TMEM144: variants seen among roughly 807,000 people sequenced by gnomAD.
TMEM144 encodes the protein transmembrane protein 144.
A neutral mutation model predicts 43.6 loss-of-function variants in TMEM144; 39 were observed. The ratio of observed to expected loss-of-function variants is 0.90; its 90% confidence interval spans 0.69 to 1.17. The LOEUF is 1.17. Among genes scored for constraint, TMEM144 ranks in the 50% most tolerant of loss-of-function variants. The probability of loss-of-function intolerance (pLI) is 0.00; values close to 1 mark genes in which losing one functional copy is unlikely to be tolerated. For missense variants in TMEM144, 417 were observed against 411.9 expected (o/e 1.01, Z -0.11); for synonymous variants, 154 against 133.6 (o/e 1.15, Z -1.06).
chr4:158,243,412 G>T (rs1466856758), intron 11 of TMEM144, among the ~76,000 whole-genome samples: 1 of 152,018 alleles, frequency 6.6e-6, no homozygotes, highest in African/African-American at 2.4e-5. Context: ...CAGTCCTTTT[G>T]TCAGTTGGAG....
In TMEM144 at chr4:158,237,662, C is replaced by A. The variant is rs763748461; in HGVS notation, c.682+19C>A. The A allele has an allele frequency of 4.0e-6, 6 of 1,491,756 alleles. No homozygotes were observed. In the African/African-American group the frequency reaches 8.4e-5, roughly 21 times the overall value. The allele number at this position is 1,491,756 out of a possible 1,614,324, so 92.4% of individuals were successfully genotyped here. On this transcript the variant is annotated intron_variant, in intron 9 of 12. Coordinates refer to ENST00000296529, the MANE Select transcript of TMEM144 (RefSeq NM_018342.5). ...CAATATGGTGAGAATAAAAAGTTAT[C>A]TTACTTTATTAATATCTACTTTTTA...
At position 158,232,092 on chromosome 4, in the gene TMEM144, G is replaced by A. The variant is rs958044128; in HGVS notation, c.414-809G>A. Among the ~76,000 whole-genome samples the A allele has an allele frequency of 2.6e-5, 4 of 152,104 alleles. No individual in the cohort carries two copies. In the South Asian group the frequency reaches 6.2e-4, roughly 24 times the overall value. On this transcript the variant is annotated intron_variant, in intron 6 of 12. Coordinates refer to ENST00000296529, the MANE Select transcript of TMEM144 (RefSeq NM_018342.5). ...AAAGAGATGTTAAAAGTATCCCAAC[G>A]TTGTTCATTTTCTCAAGTTAATTTA...
intron 10 of TMEM144, 86 bp downstream of exon 10, chr4:158,240,504 A>G (rs1735580161): frequency 1.4e-6 from 2 of 1,420,766 alleles, no homozygotes; most frequent in Admixed American, 4.3e-5. Flanking sequence ...TCTGGAAACA[A>G]AGCCATCCTC....
intron 6 of TMEM144, among the ~76,000 whole-genome samples, chr4:158,222,411 C>T (rs971168951): frequency 2.0e-5 from 3 of 152,214 alleles, no homozygotes; most frequent in Non-Finnish European, 1.5e-5. Context: ...TTACACCACA[C>T]TCCAGACATC....
At chr4:158,239,116 G>A (rs1322613764) in intron 9 of TMEM144, among the ~76,000 whole-genome samples, 1 of 152,182 alleles carries the variant, frequency 6.6e-6, no homozygotes, top group Non-Finnish European at 1.5e-5. Flanking sequence ...AGTGAGTATT[G>A]AAATGAGGAT....
At chr4:158,231,435 G>A (rs762699007) in intron 6 of TMEM144, among the ~76,000 whole-genome samples, 1 of 152,120 alleles carries the variant, frequency 6.6e-6, no homozygotes, top group South Asian at 2.1e-4. Context: ...GTAATTTGGG[G>A]TATCATTTTC....
intron 8 of TMEM144, among the ~76,000 whole-genome samples, chr4:158,235,984 C>A (rs569554744): frequency 1.1e-4 from 16 of 152,230 alleles, no homozygotes; most frequent in African/African-American, 3.9e-4. Context: ...GTGGGTCCTA[C>A]TCCCTCTATC....
intron 8 of TMEM144, among the ~76,000 whole-genome samples, chr4:158,236,916 C>G (rs1216475067): frequency 6.6e-6 from 1 of 152,080 alleles, no homozygotes; most frequent in East Asian, 1.9e-4. Context: ...GGGGAGTCCG[C>G]CTGACTCCAG....
chr4:158,252,346 T>G (rs1052874269), intron 12 of TMEM144, among the ~76,000 whole-genome samples: 1 of 152,226 alleles, frequency 6.6e-6, no homozygotes, highest in Admixed American at 6.5e-5. Flanking sequence ...ACCCTTCAGA[T>G]CCATCTCCAT....
intron 5 of TMEM144, 119 bp from the exon 6 acceptor site, chr4:158,219,191 C>A: frequency 2.1e-6 from 2 of 935,060 alleles, no homozygotes; most frequent in Non-Finnish European, 3.4e-6. Context: ...AAAGTCACAG[C>A]TAATAAGTGA....
chr4:158,245,019 G>A (rs1735817199), intron 12 of TMEM144, among the ~76,000 whole-genome samples: 1 of 151,916 alleles, frequency 6.6e-6, no homozygotes, highest in Non-Finnish European at 1.5e-5. Context: ...TTATCCTAAA[G>A]GTTAAAGTAT....
intron 6 of TMEM144, among the ~76,000 whole-genome samples, chr4:158,229,229 C>G (rs937069728): frequency 6.6e-6 from 1 of 152,166 alleles, no homozygotes; most frequent in Non-Finnish European, 1.5e-5. Context: ...AAAGGTCTGT[C>G]TCTCTTCTCT....
rs1005076212 is a variant in TMEM144 at position 158,254,777 on chromosome 4, G to A, written c.*1250G>A. 2.6e-5 allele frequency: 4 copies of A among 152,074 alleles called. No homozygotes were observed. Among genetic ancestry groups the A allele is most frequent in the African/African-American group, 9.7e-5 (4 of 41,406 alleles). 9.4% of individuals were successfully genotyped at this position (152,074 alleles called of 1,614,324 possible). ...TTTGCTATGCAGGAGAAACAAAACA[G>A]CTTTTTATTTGTGTGTATACTCTGA... On this transcript the variant is annotated 3_prime_UTR_variant, in exon 13 of 13. Coordinates refer to ENST00000296529, the MANE Select transcript of TMEM144 (RefSeq NM_018342.5).
At chr4:158,223,539 C>G (rs762485037) in intron 6 of TMEM144, among the ~76,000 whole-genome samples, 2 of 151,900 alleles carry the variant, frequency 1.3e-5, no homozygotes, top group Admixed American at 6.6e-5. Flanking sequence ...ACCTATTGAC[C>G]CATCCTTTAA....
chr4:158,249,141 G>A (rs1262873437), intron 12 of TMEM144, among the ~76,000 whole-genome samples: 1 of 152,116 alleles, frequency 6.6e-6, no homozygotes, highest in Non-Finnish European at 1.5e-5. Context: ...TCCTGATCTT[G>A]TGATCTGCCC....
Position 158,241,578 on chromosome 4 carries a change from C to T in TMEM144, c.872C>T (p.Ala291Val). ...CWFIANHSLSAVVSFPIITAG... is the reference protein window; with the variant it reads ...CWFIANHSLSVVVSFPIITAG... ...TTCATAGCAAATCACTCTCTGAGTG[C>T]TGTGGTCAGTTTTCCAATAATCACT... The change falls in exon 11 of 13, where the codon GCT (alanine) becomes GTT (valine). Residue 291 changes from alanine to valine, a missense_variant. By Grantham distance (64) the Ala-to-Val change is moderately conservative. Coordinates refer to ENST00000296529, the MANE Select transcript of TMEM144 (RefSeq NM_018342.5). The T allele has an allele frequency of 6.2e-7, 1 of 1,613,862 alleles. No homozygotes were observed. The highest frequency in any genetic ancestry group is 1.1e-5 in the South Asian group (1 of 91,064).
intron 12 of TMEM144, among the ~76,000 whole-genome samples, chr4:158,250,020 G>C (rs1375466270): frequency 2.0e-5 from 3 of 151,064 alleles, no homozygotes; most frequent in Non-Finnish European, 4.4e-5. Context: ...TTAGTGCTAA[G>C]GATCACACTG....
Position 158,240,384 on chromosome 4 carries a change from T to C in TMEM144, c.768T>C (p.Asn256=), listed in dbSNP as rs1244400983. The C allele has an allele frequency of 3.1e-6, 5 of 1,613,852 alleles. No individual in the cohort carries two copies. Among genetic ancestry groups the C allele is most frequent in the Non-Finnish European group, 4.2e-6 (5 of 1,179,910 alleles). Residue 256 remains asparagine (N), a synonymous_variant, in exon 10 of 13, where the codon AAT becomes AAC. Transcript: ENST00000296529. ...TGGCCTACTGCATAGCCATGAAAAA[T>C]AGTCCTAAACTATATCCTGAAGCAG... is the stretch of plus-strand genomic sequence containing the variant. ...YFLAYCIAMK[N]SPKLYPEAVL... is the part of the protein sequence containing the mutation.
chr4:158,235,328 T>C (rs1735285095), intron 7 of TMEM144, 110 bp from the exon 8 acceptor site: 1 of 1,102,650 alleles, frequency 9.1e-7, no homozygotes, highest in Non-Finnish European at 1.3e-6. Flanking sequence ...ATGTTTATTA[T>C]ATTTTAAAGC....
Sources: allele counts gnomAD v4.1 joint callset (sites outside exome capture counted in the v4.1 genomes callset), GRCh38; gene constraint gnomAD v4.1.1; transcripts MANE v1.5; gene names NCBI Gene and HGNC (gene_info 2026-07-23, HGNC 2026-07-21).